CAND1: variants seen among roughly 807,000 people sequenced by gnomAD.
The protein encoded by CAND1 is cullin-associated NEDD8-dissociated protein 1.
In CAND1, 7 loss-of-function variants were observed where a neutral mutation model predicts 108.5. That is an observed-to-expected ratio of 0.06 (90% CI 0.04 to 0.12). CAND1 has a LOEUF of 0.12. Ranked by LOEUF, CAND1 falls within the 10% of genes least tolerant of loss-of-function variation. The pLI, the probability that CAND1 is intolerant of heterozygous loss-of-function variation, is 1.00. For missense variants in CAND1, 941 were observed against 1,448.7 expected (o/e 0.65, Z 5.69); for synonymous variants, 534 against 512.0 (o/e 1.04, Z -0.58).
chr12:67,297,878 T>C (rs771763632), intron 6 of CAND1, 25 bp downstream of exon 6: 8 of 1,403,234 alleles, frequency 5.7e-6, no homozygotes, highest in Non-Finnish European at 6.0e-6. Context: ...TCTCTATTTT[T>C]TACAAAAAGT....
At chr12:67,304,842 A>G (rs1356387058) in intron 9 of CAND1, 96 bp downstream of exon 9, 3 of 1,411,102 alleles carry the variant, frequency 2.1e-6, no homozygotes, top group Non-Finnish European at 2.9e-6. Context: ...AAAGGAATAT[A>G]TGTGACAACT....
At chr12:67,290,433 C>G (rs917012774) in intron 2 of CAND1, among the ~76,000 whole-genome samples, 2 of 152,022 alleles carry the variant, frequency 1.3e-5, no homozygotes, top group Non-Finnish European at 2.9e-5. Flanking sequence ...ATCACTTGAA[C>G]CTCGGAGGCT....
intron 4 of CAND1, among the ~76,000 whole-genome samples, chr12:67,296,454 A>AGATGGAGTCTCACTCTGTCACCCAG (rs1392222152): frequency 2.0e-5 from 3 of 151,462 alleles, no homozygotes; most frequent in Non-Finnish European, 4.4e-5. Context: ...TTCTTTCTTG[A>AGATGGAGTCTCACTCTGTCACCCAG]GATGGAGTCT....
intron 1 of CAND1, among the ~76,000 whole-genome samples, chr12:67,274,296 T>C (rs1479812178): frequency 1.3e-5 from 2 of 152,196 alleles, no homozygotes; most frequent in Admixed American, 1.3e-4. Context: ...CCCAGGGCAA[T>C]ATGTAATTGT....
chr12:67,273,149 T>C (rs1388097788), intron 1 of CAND1, among the ~76,000 whole-genome samples: 1 of 152,220 alleles, frequency 6.6e-6, no homozygotes, highest in Admixed American at 6.5e-5. Flanking sequence ...CCAATTCAAA[T>C]AAAACCTTCA....
At chr12:67,288,165 T>C (rs1173393124) in intron 2 of CAND1, among the ~76,000 whole-genome samples, 1 of 150,834 alleles carries the variant, frequency 6.6e-6, no homozygotes, top group Non-Finnish European at 1.5e-5. Context: ...TAGACTCCAG[T>C]CTGTCACCCA....
At chr12:67,271,244 T>G (rs948926094) in intron 1 of CAND1, among the ~76,000 whole-genome samples, 2 of 152,152 alleles carry the variant, frequency 1.3e-5, no homozygotes, top group African/African-American at 4.8e-5. Flanking sequence ...ATTAAGATTC[T>G]TGGGGGAAAT....
At chr12:67,309,820 A>T in intron 11 of CAND1, 81 bp from the exon 12 acceptor site, 1 of 986,792 alleles carries the variant, frequency 1.0e-6, no homozygotes, top group Non-Finnish European at 1.5e-6. Flanking sequence ...AAAATAAATT[A>T]TATCAACTTA....
At chr12:67,279,769 A>G (rs937954372) in intron 1 of CAND1, among the ~76,000 whole-genome samples, 3 of 152,270 alleles carry the variant, frequency 2.0e-5, no homozygotes, top group African/African-American at 4.8e-5. Flanking sequence ...TAAGTAAAGA[A>G]TGAATTTGTG....
At chr12:67,297,710 T>A (rs2044783296) in intron 5 of CAND1, 38 bp from the exon 6 acceptor site, 1 of 1,579,292 alleles carries the variant, frequency 6.3e-7, no homozygotes, top group South Asian at 1.2e-5. Flanking sequence ...TTAAAAAAAT[T>A]AATGCATGTT....
At chr12:67,298,167 A>G (rs1565724002) in intron 6 of CAND1, among the ~76,000 whole-genome samples, 1 of 152,178 alleles carries the variant, frequency 6.6e-6, no homozygotes, top group Non-Finnish European at 1.5e-5. Flanking sequence ...AGCAGGATAA[A>G]TTATTCGTCA....
At chr12:67,270,430 G>C (rs1467785165) in intron 1 of CAND1, 2 of 152,296 alleles carry the variant, frequency 1.3e-5, no homozygotes, top group Non-Finnish European at 2.9e-5. Context: ...ATCACTGTCA[G>C]TTCCTCTTGT....
chr12:67,306,106 A>G lies in CAND1; in HGVS notation c.2438A>G (p.Glu813Gly), dbSNP rs754731303. 4 of 1,614,148 alleles carry G rather than the reference A, an allele frequency of 2.5e-6. No homozygotes were observed. In the Admixed American group the frequency reaches 5.0e-5, roughly 20 times the overall value. ...VAALTRACPK[E>G]GPAVVGQFIQ... Reference sequence around the variant, plus strand: ...GCCCTTACTCGAGCATGCCCTAAAGAGGGACCAGCTGTAGTAGGTCAGTTT... The same window carrying G: ...GCCCTTACTCGAGCATGCCCTAAAGGGGGACCAGCTGTAGTAGGTCAGTTT... The change falls in exon 10 of 15, where the codon GAG becomes GGG. Residue 813 changes from glutamate to glycine, a missense_variant. Physicochemically the swap from Glu to Gly is moderately conservative, Grantham distance 98. Coordinates refer to ENST00000545606, the MANE Select transcript of CAND1 (RefSeq NM_018448.5).
chr12:67,269,815 C>T, intron 1 of CAND1, 30 bp downstream of exon 1: 2 of 1,573,970 alleles, frequency 1.3e-6, no homozygotes, highest in Non-Finnish European at 1.7e-6. Flanking sequence ...CTCACCCCAC[C>T]TCGGGGTTCT....
intron 2 of CAND1, among the ~76,000 whole-genome samples, chr12:67,291,203 T>G (rs1405201033): frequency 6.6e-6 from 1 of 152,190 alleles, no homozygotes; most frequent in African/African-American, 2.4e-5. Context: ...TAATGCAAAC[T>G]TGTAACAACA....
intron 2 of CAND1, among the ~76,000 whole-genome samples, chr12:67,291,607 T>A (rs1366477692): frequency 2.6e-5 from 4 of 152,178 alleles, no homozygotes; most frequent in Non-Finnish European, 5.9e-5. Flanking sequence ...CATATATATC[T>A]CTTATACACA....
chr12:67,297,007 A>G (rs2044776244), intron 4 of CAND1, among the ~76,000 whole-genome samples: 1 of 152,074 alleles, frequency 6.6e-6, no homozygotes, highest in African/African-American at 2.4e-5. Context: ...CATGTTGCCC[A>G]GGCTGGTCTC....
At chr12:67,272,828 C>G in intron 1 of CAND1, among the ~76,000 whole-genome samples, 1 of 152,134 alleles carries the variant, frequency 6.6e-6, no homozygotes, top group Non-Finnish European at 1.5e-5. Flanking sequence ...TCCCAAGTAG[C>G]TGGGATTACA....
In CAND1 at chr12:67,306,086, T is replaced by C. The variant is rs754252501; in HGVS notation, c.2418T>C (p.Leu806=). ...CCATTGCCAAATGTGTAGCTGCCCT[T>C]ACTCGAGCATGCCCTAAAGAGGGAC... ...YYSIAKCVAA[L]TRACPKEGPA... Residue 806 remains leucine (L), a synonymous_variant, in exon 10 of 15, where the codon CTT becomes CTC. Transcript: ENST00000545606. 1 of 1,614,190 alleles carries C rather than the reference T, an allele frequency of 6.2e-7. No individual in the cohort carries two copies. The highest frequency in any genetic ancestry group is 8.5e-7 in the Non-Finnish European group (1 of 1,180,008).
Sources: gnomAD v4.1 joint callset for allele counts (sites outside exome capture counted in the v4.1 genomes callset) on GRCh38, gnomAD v4.1.1 for gene constraint, MANE v1.5 for transcripts, NCBI Gene and HGNC (gene_info 2026-07-23, HGNC 2026-07-21) for gene names.